ZFC3H1: variants seen among roughly 807,000 people sequenced by gnomAD.
ZFC3H1 encodes the protein zinc finger C3H1-type containing, also known as zinc finger C3H1 domain-containing protein.
ZFC3H1 carries 71 observed loss-of-function variants against 243.7 expected under a neutral mutation model. The observed-to-expected ratio is 0.29, with a 90% CI of 0.24 to 0.36. The LOEUF is 0.36. Ranked by LOEUF, ZFC3H1 falls within the 10% of genes least tolerant of loss-of-function variation. The pLI is 1.00. For synonymous variants in ZFC3H1, 838 were observed against 813.0 expected (o/e 1.03, Z -0.52); for missense variants, 1,966 against 2,317.1 (o/e 0.85, Z 3.11).
At chr12:71,653,528 A>T (rs1048844795) in intron 2 of ZFC3H1, among the ~76,000 whole-genome samples, 1 of 152,246 alleles carries the variant, frequency 6.6e-6, no homozygotes, top group Non-Finnish European at 1.5e-5. Flanking sequence ...TTCAAGAAAC[A>T]ACAAATTCCA....
chr12:71,615,604 C>T (rs532198116), intron 27 of ZFC3H1, among the ~76,000 whole-genome samples: 3 of 152,256 alleles, frequency 2.0e-5, no homozygotes, highest in African/African-American at 4.8e-5. Flanking sequence ...GCAACCTCCA[C>T]CTCCCAGGTT....
intron 2 of ZFC3H1, among the ~76,000 whole-genome samples, chr12:71,649,769 G>A (rs1174397306): frequency 1.3e-5 from 2 of 152,208 alleles, no homozygotes; most frequent in African/African-American, 2.4e-5. Flanking sequence ...TAAGTCATGA[G>A]AAATCTACTG....
At chr12:71,634,081 T>C in intron 12 of ZFC3H1, 74 bp downstream of exon 12, 1 of 1,436,728 alleles carries the variant, frequency 7.0e-7, no homozygotes, top group Non-Finnish European at 9.4e-7. Context: ...AGTACGCTTA[T>C]TAATAACATA....
rs1880437456 is a variant in ZFC3H1 at position 71,635,522 on chromosome 12, T to C, written c.2159A>G (p.Asp720Gly). Residue 720 changes from aspartate to glycine, a missense_variant, in exon 10 of 35, where the codon GAT (aspartate) becomes GGT (glycine). Physicochemically the swap from Asp to Gly is moderately conservative, Grantham distance 94 (BLOSUM62 -1). Coordinates refer to ENST00000378743, the MANE Select transcript of ZFC3H1 (RefSeq NM_144982.5). ...ATTTGTTGACTTGGAAGCCTCTCCA[T>C]CAGATTCACTATCATCTGAATCATT... The part of the protein sequence containing the change: ...TLNDSDDSES[D>G]GEASKSTNSV... 1.9e-6 allele frequency: 3 copies of C among 1,566,876 alleles called. No individual in the cohort carries two copies. The highest frequency in any genetic ancestry group is 1.2e-5 in the South Asian group (1 of 82,120).
rs1373347851 is a variant in ZFC3H1, at chr12:71,611,802, G to A, written c.5713C>T (p.Leu1905=). Residue 1905 remains leucine (L), a synonymous_variant, in exon 32 of 35, where the codon CTG becomes TTG. Transcript: ENST00000378743. ...KMFTYNIPTC[L]ATWKIAIAAE... The stretch of plus-strand genomic sequence containing the variant: ...TTGCATTACATTTTCCAGGTGGCCA[G>A]GCATGTTGGGATATTATATGTAAAC... 6.2e-7 allele frequency: 1 copy of A among 1,608,560 alleles called. No homozygotes were observed.
chr12:71,623,665 A>C, intron 23 of ZFC3H1, 68 bp from the exon 24 acceptor site: 1 of 1,136,866 alleles, frequency 8.8e-7, no homozygotes. Flanking sequence ...CATAATTTTT[A>C]CTATGCTAAA....
chr12:71,618,487 T>C (rs1879945060), intron 27 of ZFC3H1, among the ~76,000 whole-genome samples: 1 of 152,206 alleles, frequency 6.6e-6, no homozygotes, highest in Non-Finnish European at 1.5e-5. Context: ...CTTTTGATGC[T>C]GTTTTACTTA....
At chr12:71,634,622 T>TCCC in intron 11 of ZFC3H1, 82 bp downstream of exon 11, 1 of 1,415,176 alleles carries the variant, frequency 7.1e-7, no homozygotes, top group East Asian at 2.3e-5. Flanking sequence ...CATCACTCAT[T>TCCC]CCCCAGTGCC....
At chr12:71,662,934 A>C (rs936617797) in intron 1 of ZFC3H1, 79 bp downstream of exon 1, 66 of 1,365,610 alleles carry the variant, frequency 4.8e-5, no homozygotes, top group Middle Eastern at 1.9e-4. Flanking sequence ...TCAAAGTTAC[A>C]CTCGTCTCAC....
chr12:71,662,910 G>A (rs945099888), intron 1 of ZFC3H1, 103 bp downstream of exon 1: 4 of 1,139,862 alleles, frequency 3.5e-6, no homozygotes, highest in Admixed American at 2.3e-5. Flanking sequence ...GGAGAAATAA[G>A]CGGTTCTGAT....
chr12:71,640,079 T>C (rs1353465836), intron 6 of ZFC3H1, among the ~76,000 whole-genome samples: 1 of 152,198 alleles, frequency 6.6e-6, no homozygotes. Context: ...TAGAGTGCAG[T>C]GGCACCATCT....
At position 71,663,225 on chromosome 12, in the gene ZFC3H1, G is replaced by T. The variant is rs768000009; in HGVS notation, c.386C>A (p.Pro129His). The T allele has an allele frequency of 1.2e-6, 2 of 1,613,996 alleles. No homozygotes were observed. Among genetic ancestry groups the T allele is most frequent in the Non-Finnish European group, 1.7e-6 (2 of 1,180,038 alleles). Residue 129 changes from proline to histidine, a missense_variant, in exon 1 of 35, where the codon CCC becomes CAC. Around this residue, in one of 4 missense-constraint regions of ZFC3H1, gnomAD observed 484 missense variants for 449.7 expected, o/e 1.08. Coordinates refer to ENST00000378743, the MANE Select transcript of ZFC3H1 (RefSeq NM_144982.5). ...MPSSSLSESS[P>H]RPSFWERSHL... is the part of the protein sequence containing the mutation. ...GCTCCGCTCCCAGAAAGACGGCCGGGGACTGCTTTCGGACAGTGAGCTCGA... is the reference window on the plus strand; with the variant it reads ...GCTCCGCTCCCAGAAAGACGGCCGGTGACTGCTTTCGGACAGTGAGCTCGA...
intron 24 of ZFC3H1, 61 bp from the exon 25 acceptor site, chr12:71,620,376 G>A: frequency 6.5e-7 from 1 of 1,547,712 alleles, no homozygotes; most frequent in Non-Finnish European, 8.9e-7. Flanking sequence ...ATATTTGACT[G>A]TGTTACTTCA....
chr12:71,615,109 T>C, intron 28 of ZFC3H1, 97 bp downstream of exon 28: 1 of 1,211,012 alleles, frequency 8.3e-7, no homozygotes, highest in Non-Finnish European at 1.2e-6. Flanking sequence ...TTCAATGACT[T>C]TAACATCAAG....
chr12:71,619,321 A>C lies in ZFC3H1; in HGVS notation c.5138T>G (p.Leu1713Arg). The change falls in exon 27 of 35, where the codon CTG becomes CGG. Residue 1713 changes from leucine (L) to arginine (R), a missense_variant. This residue lies in a region of ZFC3H1 where 1,383 missense variants were observed against 1,723.7 expected (regional missense o/e 0.80). Transcript: ENST00000378743. ...TAAGAATTCTACAACTTACCGAAACAGATCCAAGTTATTATACTTCTCAAA... is the reference window on the plus strand; with the variant it reads ...TAAGAATTCTACAACTTACCGAAACCGATCCAAGTTATTATACTTCTCAAA... Reference protein sequence around the residue: ...PGFEKYNNLDLFRYLLNIPGP... With the variant: ...PGFEKYNNLDRFRYLLNIPGP... 1 of 1,613,388 alleles carries C rather than the reference A, an allele frequency of 6.2e-7. No individual in the cohort carries two copies.
At chr12:71,627,141 C>A (rs1880190740) in intron 21 of ZFC3H1, among the ~76,000 whole-genome samples, 1 of 151,360 alleles carries the variant, frequency 6.6e-6, no homozygotes, top group African/African-American at 2.4e-5. Flanking sequence ...AAAAAAAACC[C>A]TTGAATTATT....
Position 71,629,620 on chromosome 12 carries a change from C to T in ZFC3H1, c.3815G>A (p.Ser1272Asn). The change falls in exon 19 of 35, where the codon AGT becomes AAT. Residue 1272 changes from serine to asparagine, a missense_variant. This residue lies in a region of ZFC3H1 where 1,383 missense variants were observed against 1,723.7 expected (regional missense o/e 0.80). Transcript: ENST00000378743. ...AVLLVSNINE[S>N]KGHTPPFTTY... ...ATATATGTACTTACTATGACCTTTA[C>T]TTTCATTGATATTGCTAACAAGGAG... The T allele has an allele frequency of 6.2e-7, 1 of 1,601,334 alleles. No homozygotes were observed. The highest frequency in any genetic ancestry group is 8.5e-7 in the Non-Finnish European group (1 of 1,170,114).
intron 2 of ZFC3H1, chr12:71,656,320 GAAAA>G: frequency 2.6e-6 from 1 of 387,652 alleles, no homozygotes; most frequent in Non-Finnish European, 4.5e-6. Context: ...AAGAGGAAAA[GAAAA>G]AACAAGCCAA....
intron 1 of ZFC3H1, among the ~76,000 whole-genome samples, chr12:71,658,296 T>C (rs964929892): frequency 6.9e-6 from 1 of 145,418 alleles, no homozygotes; most frequent in African/African-American, 2.6e-5. Context: ...TTTTTTTTTT[T>C]TTTTTTTTTT....
Sources: gnomAD v4.1 joint callset for allele counts (sites outside exome capture counted in the v4.1 genomes callset) on GRCh38, gnomAD v4.1.1 for gene constraint, gnomAD v4.1.1 regional missense constraint, MANE v1.5 for transcripts, NCBI Gene and HGNC (gene_info 2026-07-23, HGNC 2026-07-21) for gene names.